TRIM49: variants seen among roughly 807,000 people sequenced by gnomAD.
The protein encoded by TRIM49 is tripartite motif containing 49.
In TRIM49, 5 loss-of-function variants were observed where a neutral mutation model predicts 27.4. That is an observed-to-expected ratio of 0.18 (90% CI 0.10 to 0.38). The LOEUF (loss-of-function observed/expected upper bound fraction) is 0.38. Ranked by LOEUF, TRIM49 falls within the 10% of genes least tolerant of loss-of-function variation. The probability of loss-of-function intolerance (pLI) is 1.00; values close to 1 mark genes in which losing one functional copy is unlikely to be tolerated. For synonymous variants in TRIM49, 69 were observed against 166.0 expected, an observed-to-expected ratio of 0.42 and a Z score of 4.49; for missense variants, 188 against 487.5, an observed-to-expected ratio of 0.39 and a Z score of 5.79.
downstream of TRIM49, among the ~76,000 whole-genome samples, chr11:89,793,023 G>C (rs1437828117): frequency 2.0e-5 from 3 of 152,028 alleles, no homozygotes; most frequent in Non-Finnish European, 4.4e-5. Flanking sequence ...AGAAAAGAGA[G>C]AAGAATCAAA....
chr11:89,793,678 C>G (rs2134625905), downstream of TRIM49, among the ~76,000 whole-genome samples: 1 of 152,098 alleles, frequency 6.6e-6, no homozygotes, highest in South Asian at 2.1e-4. Flanking sequence ...TGACAAAATT[C>G]AACAGCCCCT....
At chr11:89,795,855 T>C (rs1428838955), downstream of TRIM49, among the ~76,000 whole-genome samples, 1 of 151,518 alleles carries the variant, frequency 6.6e-6, no homozygotes, top group African/African-American at 2.4e-5. Flanking sequence ...CTGCACGTTG[T>C]GCACATGTAC....
At chr11:89,789,650 C>T in the TRIM49 span, 2 of 152,110 alleles carry the variant, frequency 1.3e-5, no homozygotes, top group Admixed American at 6.5e-5. Flanking sequence ...GTCTAATTGC[C>T]GTTGGAATAG....
At chr11:89,805,042 A>G (rs1949777803) in intron 2 of TRIM49, among the ~76,000 whole-genome samples, 1 of 151,774 alleles carries the variant, frequency 6.6e-6, no homozygotes. Flanking sequence ...AATTAAAAAC[A>G]AAGACCCAAA....
At chr11:89,794,492 G>A (rs533092728), downstream of TRIM49, among the ~76,000 whole-genome samples, 101 of 151,692 alleles carry the variant, frequency 6.7e-4, 1 homozygote, top group South Asian at 0.017. Flanking sequence ...AAACTATACT[G>A]CAAGGCTACA....
At chr11:89,777,618 A>G in the TRIM49 span, among the ~76,000 whole-genome samples, 6,453 of 129,302 alleles carry the variant, frequency 0.05, 2 homozygotes, top group East Asian at 0.17. Context: ...GTTCAAACAT[A>G]TAGAATGGAG....
intron 3 of TRIM49, 132 bp from the exon 4 acceptor site, chr11:89,803,925 G>T: frequency 2.1e-6 from 3 of 1,406,484 alleles, no homozygotes; most frequent in Non-Finnish European, 2.9e-6. Context: ...AAGCCCAGAG[G>T]TTGGAAGCTA....
intron 6 of TRIM49, 121 bp downstream of exon 6, chr11:89,800,845 A>G: frequency 1.6e-6 from 1 of 615,798 alleles, no homozygotes; most frequent in Non-Finnish European, 2.9e-6. Context: ...TGGGAACGAA[A>G]GTAGATGCAA....
intron 7 of TRIM49, 27 bp from the exon 8 acceptor site, chr11:89,798,656 T>C (rs745946360): frequency 5.4e-6 from 8 of 1,489,322 alleles, no homozygotes; most frequent in Non-Finnish European, 7.0e-6. Flanking sequence ...AAAGAAAACA[T>C]GCATAGACAT....
intron 4 of TRIM49, among the ~76,000 whole-genome samples, chr11:89,802,621 C>T (rs1212342680): frequency 6.6e-6 from 1 of 150,658 alleles, no homozygotes; most frequent in African/African-American, 2.5e-5. Context: ...ATACACACAA[C>T]CACACACACA....
downstream of TRIM49, among the ~76,000 whole-genome samples, chr11:89,797,416 T>C (rs1949699245): frequency 6.7e-6 from 1 of 149,488 alleles, no homozygotes; most frequent in African/African-American, 2.5e-5. Flanking sequence ...AAGAAATCCT[T>C]ATGAGAATAT....
In TRIM49 at chr11:89,807,237, C is replaced by G. The variant is rs1372127906; in HGVS notation, c.-143G>C. 1 of 152,772 alleles carries G rather than the reference C, an allele frequency of 6.5e-6. No homozygotes were observed. The highest frequency in any genetic ancestry group is 6.6e-5 in the Admixed American group (1 of 15,252). 9.5% of individuals were successfully genotyped at this position (152,772 alleles called of 1,614,324 possible). On this transcript the variant is annotated 5_prime_UTR_variant, in exon 2 of 8. Coordinates refer to ENST00000329758, the MANE Select transcript of TRIM49 (RefSeq NM_020358.2). The stretch of plus-strand genomic sequence containing the variant: ...ATGCAGTTCTAAGTGCAGTCCTTCT[C>G]CTTCAGAGAAAACTGAGCTTGTCTC...
chr11:89,807,509 T>G (rs1416476311), intron 1 of TRIM49, among the ~76,000 whole-genome samples: 1 of 150,872 alleles, frequency 6.6e-6, no homozygotes, highest in Non-Finnish European at 1.5e-5. Flanking sequence ...TTTATACTGT[T>G]TATTGAGTTT....
At chr11:89,775,394 CAAA>C in the TRIM49 span, among the ~76,000 whole-genome samples, 2 of 77,822 alleles carry the variant, frequency 2.6e-5, no homozygotes, top group Non-Finnish European at 4.5e-5. Context: ...CAACAACAAC[CAAA>C]AAAAAAAAAA....
chr11:89,795,984 T>G (rs1352160494), downstream of TRIM49, among the ~76,000 whole-genome samples: 7 of 151,774 alleles, frequency 4.6e-5, no homozygotes, highest in African/African-American at 1.7e-4. Context: ...ACTGCTTACC[T>G]AGATATCCGC....
chr11:89,791,434 A>G, the TRIM49 span, among the ~76,000 whole-genome samples: 50 of 151,542 alleles, frequency 3.3e-4, no homozygotes, highest in Non-Finnish European at 4.4e-5. Context: ...TCCCAAACAC[A>G]TAATTGTCAG....
At chr11:89,766,858 T>C in the TRIM49 span, 1 of 1,214,776 alleles carries the variant, frequency 8.2e-7, no homozygotes, top group African/African-American at 2.2e-5. Context: ...TTCTTCCTTA[T>C]CCAGGAGTCC....
the TRIM49 span, among the ~76,000 whole-genome samples, chr11:89,791,675 G>A: frequency 2.0e-5 from 3 of 151,848 alleles, no homozygotes; most frequent in Non-Finnish European, 2.9e-5. Flanking sequence ...ATAAACTCCT[G>A]TATAGACAAG....
the TRIM49 span, among the ~76,000 whole-genome samples, chr11:89,767,997 T>C: frequency 5.1e-5 from 7 of 137,932 alleles, 1 homozygote; most frequent in African/African-American, 2.3e-4. Context: ...CCAAGAAATT[T>C]GTTATATGGC....
Sources: gnomAD v4.1 joint callset for allele counts (sites outside exome capture counted in the v4.1 genomes callset) on GRCh38, gnomAD v4.1.1 for gene constraint, MANE v1.5 for transcripts, NCBI Gene and HGNC (gene_info 2026-07-23, HGNC 2026-07-21) for gene names.